XIRP2: variants seen among roughly 807,000 people sequenced by gnomAD.
XIRP2 encodes the protein xin actin binding repeat containing 2.
A neutral mutation model predicts 277.0 loss-of-function variants in XIRP2; 236 were observed. The observed-to-expected ratio is 0.85, with a 90% CI of 0.77 to 0.95. XIRP2 has a LOEUF of 0.95. XIRP2 is among the 40% of genes least tolerant of loss of function. The pLI is 0.00. For missense variants in XIRP2, 4,640 were observed against 4,157.5 expected (o/e 1.12, Z -3.19); for synonymous variants, 1,490 against 1,416.5 (o/e 1.05, Z -1.17).
chr2:167,094,338 T>A (rs748905152), intron 2 of XIRP2, among the ~76,000 whole-genome samples: 1 of 152,208 alleles, frequency 6.6e-6, no homozygotes, highest in Admixed American at 6.5e-5. Flanking sequence ...CGTTTGTCAA[T>A]TTTGGCTTTT....
At chr2:167,126,443 A>G (rs2105309154) in intron 2 of XIRP2, among the ~76,000 whole-genome samples, 3 of 152,230 alleles carry the variant, frequency 2.0e-5, no homozygotes, top group Admixed American at 2.0e-4. Context: ...TTCTTGATGG[A>G]GGAGTGGAAG....
At chr2:167,012,646 C>T (rs532825505) in intron 2 of XIRP2, among the ~76,000 whole-genome samples, 40 of 151,572 alleles carry the variant, frequency 2.6e-4, no homozygotes, top group Middle Eastern at 3.4e-3. Context: ...TCTATTTTTC[C>T]ATGTCCTTGT....
chr2:167,163,570 C>T (rs1692431394), intron 3 of XIRP2, among the ~76,000 whole-genome samples: 1 of 152,160 alleles, frequency 6.6e-6, no homozygotes, highest in Non-Finnish European at 1.5e-5. Context: ...AATCCTTTGT[C>T]AGTTTATGCG....
chr2:166,988,515 G>T lies in XIRP2; in HGVS notation c.408+84625G>T, dbSNP rs931625044. 3.7e-5 allele frequency among the ~76,000 whole-genome samples: 5 copies of T among 134,146 alleles called. 1 individual carries two copies. 88.0% of individuals were successfully genotyped at this position (134,146 alleles called of 152,430 possible). On this transcript the variant is annotated intron_variant, in intron 2 of 10. Coordinates refer to ENST00000409195, the MANE Select transcript of XIRP2 (RefSeq NM_152381.6). ...GTCTACAGCTCCCAGCGTGAGCGAC[G>T]CAGAAGACAGGTGATTTCTGCATTT... is the stretch of plus-strand genomic sequence containing the variant.
chr2:167,209,001 T>C (rs1272845809), intron 3 of XIRP2, among the ~76,000 whole-genome samples: 1 of 152,208 alleles, frequency 6.6e-6, no homozygotes, highest in Non-Finnish European at 1.5e-5. Context: ...AGTCTTTCAG[T>C]GATTTGTGGG....
intron 2 of XIRP2, among the ~76,000 whole-genome samples, chr2:167,006,744 A>G (rs959736958): frequency 1.3e-5 from 2 of 151,666 alleles, no homozygotes; most frequent in South Asian, 2.1e-4. Context: ...TGAATTGAAA[A>G]CATTGTTAAA....
At chr2:167,209,790 A>G (rs1693969177) in intron 3 of XIRP2, among the ~76,000 whole-genome samples, 1 of 152,054 alleles carries the variant, frequency 6.6e-6, no homozygotes, top group Non-Finnish European at 1.5e-5. Flanking sequence ...GGCATACGTA[A>G]GCTAAATAGT....
rs182850045 is a variant in XIRP2, at chr2:167,218,828, C to G, written c.858+528C>G. Among the ~76,000 whole-genome samples, 5 of 152,102 alleles carry G rather than the reference C, an allele frequency of 3.3e-5. No individual in the cohort carries two copies. The East Asian group carries it at 9.6e-4, about 29-fold the overall frequency. The stretch of plus-strand genomic sequence containing the variant: ...ATGTTATCTTATATAAATTTTTTTC[C>G]CATTTCATTGATTTCATTATTTCAT... On this transcript the variant is annotated intron_variant, in intron 5 of 10. Transcript: ENST00000409195.
chr2:167,211,182 C>T (rs1694031515), intron 4 of XIRP2, among the ~76,000 whole-genome samples: 1 of 152,090 alleles, frequency 6.6e-6, no homozygotes, highest in Non-Finnish European at 1.5e-5. Flanking sequence ...TCGGCACCCT[C>T]CACCTCCTGG....
intron 2 of XIRP2, among the ~76,000 whole-genome samples, chr2:167,113,061 A>AT (rs1350229041): frequency 6.6e-6 from 1 of 151,756 alleles, no homozygotes; most frequent in African/African-American, 2.4e-5. Flanking sequence ...TGTGTGGTTG[A>AT]TTTTGGAGTA....
chr2:167,030,241 C>A (rs1019476085), intron 2 of XIRP2, among the ~76,000 whole-genome samples: 1 of 152,012 alleles, frequency 6.6e-6, no homozygotes, highest in Non-Finnish European at 1.5e-5. Context: ...TTGGTTATTT[C>A]TTGTCTTCCA....
At chr2:167,159,452 T>C (rs1048685463) in intron 3 of XIRP2, among the ~76,000 whole-genome samples, 3 of 152,174 alleles carry the variant, frequency 2.0e-5, no homozygotes, top group African/African-American at 7.2e-5. Context: ...GATACATTTT[T>C]TATTCTTATA....
At chr2:166,988,975 G>A (rs1257378206) in intron 2 of XIRP2, among the ~76,000 whole-genome samples, 1 of 107,462 alleles carries the variant, frequency 9.3e-6, no homozygotes, top group African/African-American at 3.8e-5. Context: ...AGCTCAAGGA[G>A]GCCTGCCTGC....
At chr2:167,147,659 T>A (rs980143000) in intron 3 of XIRP2, among the ~76,000 whole-genome samples, 1 of 152,204 alleles carries the variant, frequency 6.6e-6, no homozygotes, top group Non-Finnish European at 1.5e-5. Context: ...GAACCGTTTA[T>A]AGAACTTTCC....
At chr2:167,042,257 A>T (rs891464562) in intron 2 of XIRP2, among the ~76,000 whole-genome samples, 2 of 152,154 alleles carry the variant, frequency 1.3e-5, no homozygotes, top group African/African-American at 4.8e-5. Flanking sequence ...ATACCTACTG[A>T]CACTATTAAG....
chr2:167,208,183 A>C (rs1408166143), intron 3 of XIRP2, among the ~76,000 whole-genome samples: 2 of 152,192 alleles, frequency 1.3e-5, no homozygotes, highest in East Asian at 3.9e-4. Context: ...TAATATTTAT[A>C]ATGCTTTCTA....
At chr2:166,982,602 C>T (rs1211038806) in intron 2 of XIRP2, among the ~76,000 whole-genome samples, 1 of 151,790 alleles carries the variant, frequency 6.6e-6, no homozygotes. Flanking sequence ...CTTTTTCCTC[C>T]CTTATGTCTA....
At chr2:166,985,843 G>C (rs573579513) in intron 2 of XIRP2, among the ~76,000 whole-genome samples, 155 of 152,214 alleles carry the variant, frequency 1.0e-3, no homozygotes, top group Non-Finnish European at 9.7e-4. Context: ...TTAGGGGTCA[G>C]TCTCCCAAAG....
intron 2 of XIRP2, among the ~76,000 whole-genome samples, chr2:166,996,898 C>T (rs1200413337): frequency 6.6e-6 from 1 of 152,028 alleles, no homozygotes; most frequent in Non-Finnish European, 1.5e-5. Flanking sequence ...TGCTCTCATT[C>T]CCAAAAGACT....
Sources: allele counts gnomAD v4.1 joint callset (sites outside exome capture counted in the v4.1 genomes callset), GRCh38; gene constraint gnomAD v4.1.1; transcripts MANE v1.5; gene names NCBI Gene and HGNC (gene_info 2026-07-23, HGNC 2026-07-21).